Variants in LIPA observed in about 807,000 individuals in gnomAD.
LIPA encodes lysosomal acid lipase/cholesteryl ester hydrolase.
A neutral mutation model predicts 40.6 loss-of-function variants in LIPA; 26 were observed. That is an observed-to-expected ratio of 0.64 (90% CI 0.47 to 0.89). The LOEUF is 0.89. Ranked by LOEUF, LIPA falls within the 40% of genes least tolerant of loss-of-function variation. LIPA has a pLI of 0.00. For missense variants in LIPA, 455 were observed against 479.6 expected (o/e 0.95, Z 0.48); for synonymous variants, 188 against 168.4 (o/e 1.12, Z -0.90).
In LIPA at chr10:89,228,286, G is replaced by A. The variant is rs371133960; in HGVS notation, c.342C>T (p.Asp114=). ...TTCCTCTGCTGTTGCCCATCCACAC[G>A]TCAAAACCAGCATCAGCAAGAATGA... The part of the protein sequence containing the change: ...LGFILADAGF[D]VWMGNSRGNT... Residue 114 remains aspartate, a synonymous_variant, in exon 4 of 10, where the codon GAC becomes GAT. Transcript: ENST00000336233. 51 of 1,613,892 alleles carry A rather than the reference G, an allele frequency of 3.2e-5. No homozygotes were observed. The highest frequency in any genetic ancestry group is 3.1e-4 in the East Asian group (14 of 44,898).
At position 89,287,813 on chromosome 10, in the gene LIPA, C is replaced by G. The variant is rs368030453; in HGVS notation, c.-1-40164G>C. On this transcript the variant is annotated intron_variant, in intron 1 of 5. Coordinates refer to the LIPA transcript ENST00000282673. ...TTACCTCTCCAAAAACCAGACAGGT[C>G]TTACAGGTTAGTTCAGGATCCGCAC... Among the ~76,000 whole-genome samples the G allele has an allele frequency of 2.2e-4, 34 of 152,312 alleles. No homozygotes were observed. In the South Asian group the frequency reaches 6.4e-3, roughly 29 times the overall value.
chr10:89,397,227 T>C (rs1166066646), intron 2 of LIPA, among the ~76,000 whole-genome samples: 2 of 152,084 alleles, frequency 1.3e-5, no homozygotes, highest in South Asian at 2.1e-4. Context: ...GTAATGAATA[T>C]TCTTGAGTAT....
chr10:89,316,668 A>G (rs1354921404), intron 1 of LIPA, among the ~76,000 whole-genome samples: 1 of 152,238 alleles, frequency 6.6e-6, no homozygotes, highest in Non-Finnish European at 1.5e-5. Flanking sequence ...AAGGCAGCAG[A>G]AACTTCTGTA....
intron 3 of LIPA, among the ~76,000 whole-genome samples, chr10:89,230,194 A>G (rs1015042158): frequency 4.6e-5 from 7 of 152,188 alleles, no homozygotes; most frequent in Admixed American, 1.3e-4. Context: ...AGTACCAACT[A>G]TGTGCCAGGC....
intron 8 of LIPA, among the ~76,000 whole-genome samples, chr10:89,220,047 C>A (rs1037069266): frequency 2.6e-5 from 4 of 152,172 alleles, no homozygotes; most frequent in African/African-American, 9.7e-5. Context: ...TAGATGATAG[C>A]CGATCCAATG....
chr10:89,362,752 TG>T, intron 2 of LIPA: 1 of 721,182 alleles, frequency 1.4e-6, no homozygotes, highest in Non-Finnish European at 2.2e-6. Flanking sequence ...GGATGGGCCT[TG>T]GCGAAGTGTG....
At chr10:89,336,200 A>C (rs896469150) in intron 1 of LIPA, among the ~76,000 whole-genome samples, 5 of 150,716 alleles carry the variant, frequency 3.3e-5, no homozygotes, top group African/African-American at 1.2e-4. Flanking sequence ...GGAGGAAAGA[A>C]GGAAAATAGG....
rs145641534 is a variant in LIPA at position 89,313,958 on chromosome 10, A to C, written c.-2+28653T>G. On this transcript the variant is annotated intron_variant, in intron 1 of 5. Transcript: ENST00000282673. The stretch of plus-strand genomic sequence containing the variant: ...TTGTGGTGCTGGTTGCATAACTGTG[A>C]ATATAATGAAAGCTATTGAATTGTA... 5.5e-3 allele frequency among the ~76,000 whole-genome samples: 839 copies of C among 152,358 alleles called. 3 individuals carry two copies. Among genetic ancestry groups the C allele is most frequent in the Middle Eastern group, 0.02 (6 of 294 alleles).
In LIPA at chr10:89,242,606, T is replaced by C. The variant is rs1225219232; in HGVS notation, c.229+3070A>G. ...CTACACAGTCAGTCAAAGAGGCCCA[T>C]GGCAACAGGACTGAAAGATGCTCAC... On this transcript the variant is annotated intron_variant, in intron 3 of 9. Transcript: ENST00000336233. Among the ~76,000 whole-genome samples the C allele has an allele frequency of 2.0e-5, 3 of 152,302 alleles. No individual in the cohort carries two copies. The East Asian group carries it at 5.8e-4, about 29-fold the overall frequency.
At chr10:89,235,633 C>G (rs1298097879) in intron 3 of LIPA, among the ~76,000 whole-genome samples, 5 of 152,230 alleles carry the variant, frequency 3.3e-5, no homozygotes, top group Admixed American at 6.5e-5. Context: ...CTGGCCTTCT[C>G]TGCCAGGATG....
chr10:89,393,397 T>C (rs893086392), intron 2 of LIPA: 5 of 862,072 alleles, frequency 5.8e-6, no homozygotes, highest in Non-Finnish European at 7.8e-6. Context: ...GTATCTTCCT[T>C]ACCTAAAGGG....
At chr10:89,331,545 A>T (rs1436298419) in intron 1 of LIPA, among the ~76,000 whole-genome samples, 1 of 152,154 alleles carries the variant, frequency 6.6e-6, no homozygotes, top group Admixed American at 6.5e-5. Flanking sequence ...GTCCAAGGGA[A>T]TTGCTTAATA....
At chr10:89,333,201 A>G (rs1197769725) in intron 1 of LIPA, among the ~76,000 whole-genome samples, 3 of 152,184 alleles carry the variant, frequency 2.0e-5, no homozygotes, top group East Asian at 3.8e-4. Flanking sequence ...CACGTGATCA[A>G]TGAACAGGGA....
At chr10:89,368,261 T>A (rs1460546172) in intron 2 of LIPA, among the ~76,000 whole-genome samples, 1 of 152,182 alleles carries the variant, frequency 6.6e-6, no homozygotes, top group East Asian at 1.9e-4. Flanking sequence ...TATTAAGAAA[T>A]CTTCCCCAGT....
chr10:89,224,481 G>A (rs1842741452), intron 6 of LIPA, among the ~76,000 whole-genome samples: 2 of 152,002 alleles, frequency 1.3e-5, no homozygotes, highest in South Asian at 4.2e-4. Flanking sequence ...GATTTCATAT[G>A]TGTGTGTGTG....
intron 2 of LIPA, among the ~76,000 whole-genome samples, chr10:89,396,747 T>C (rs1844350140): frequency 6.6e-6 from 1 of 152,242 alleles, no homozygotes. Flanking sequence ...CTATTCTCCT[T>C]TTCTAAAATT....
chr10:89,402,127 A>T (rs1258046038), intron 2 of LIPA, among the ~76,000 whole-genome samples: 1 of 152,242 alleles, frequency 6.6e-6, no homozygotes, highest in Non-Finnish European at 1.5e-5. Flanking sequence ...CAATATCAAC[A>T]GTCCATGAAT....
rs533446416 is a variant in LIPA, at chr10:89,390,546, T to G, written c.61+22245A>C. Among the ~76,000 whole-genome samples, 17 of 152,278 alleles carry G rather than the reference T, an allele frequency of 1.1e-4. 2 individuals are homozygous for G. The highest frequency in any genetic ancestry group is 3.8e-4 in the African/African-American group (16 of 41,578). On this transcript the variant is annotated intron_variant, in intron 2 of 8. Transcript: ENST00000371837. The stretch of plus-strand genomic sequence containing the variant: ...TCCTGGGAATGAACTCACAACCTAG[T>G]GCTGAAATTTCATTTTCTAAATGTT...
chr10:89,308,472 T>A (rs967379600), intron 1 of LIPA: 6 of 152,222 alleles, frequency 3.9e-5, no homozygotes, highest in Non-Finnish European at 8.8e-5. Flanking sequence ...ATGGTGGGGT[T>A]TTCCCCCCTT....
Sources: allele counts gnomAD v4.1 joint callset (sites outside exome capture counted in the v4.1 genomes callset), GRCh38; gene constraint gnomAD v4.1.1; transcripts MANE v1.5; gene names NCBI Gene and HGNC (gene_info 2026-07-23, HGNC 2026-07-21).